MAPK8IP3: variants seen among roughly 807,000 people sequenced by gnomAD.
MAPK8IP3 encodes mitogen-activated protein kinase 8 interacting protein 3, also known as C-Jun-amino-terminal kinase-interacting protein 3.
In MAPK8IP3, 49 loss-of-function variants were observed where a neutral mutation model predicts 157.8. The ratio of observed to expected loss-of-function variants is 0.31; its 90% confidence interval spans 0.25 to 0.39. The LOEUF is 0.39. Among genes scored for constraint, MAPK8IP3 ranks in the 10% least tolerant of loss-of-function variants. MAPK8IP3 has a pLI of 1.00. For missense variants in MAPK8IP3, 1,478 were observed against 1,889.4 expected (o/e 0.78, Z 4.04); for synonymous variants, 897 against 777.7 (o/e 1.15, Z -2.55).
rs114943215 is a variant in MAPK8IP3 at position 1,728,514 on chromosome 16, C to A, written c.440-624C>A. Among the ~76,000 whole-genome samples the A allele has an allele frequency of 9.3e-3, 1,414 of 152,316 alleles. 11 individuals carry two copies. Among genetic ancestry groups the A allele is most frequent in the Non-Finnish European group, 0.013 (903 of 68,026 alleles). ...CAGAGAGCGCCTGTGGGTTTCCCCA[C>A]CCCCATATTTAACTCCCAACAGAGC... is the stretch of plus-strand genomic sequence containing the variant. On this transcript the variant is annotated intron_variant, in intron 2 of 31. Coordinates refer to ENST00000610761, the MANE Select transcript of MAPK8IP3 (RefSeq NM_001318852.2).
intron 26 of MAPK8IP3, 82 bp downstream of exon 26, chr16:1,767,379 A>G (rs2042334506): frequency 6.4e-7 from 1 of 1,574,586 alleles, no homozygotes; most frequent in East Asian, 2.2e-5. Context: ...ACGGAAGTCC[A>G]CGAGGCCCTA....
Position 1,768,369 on chromosome 16 carries a change from T to G in MAPK8IP3, c.3733T>G (p.Ser1245Ala), listed in dbSNP as rs1026815271. 3 of 1,600,696 alleles carry G rather than the reference T, an allele frequency of 1.9e-6. No individual in the cohort carries two copies. In the African/African-American group the frequency reaches 4.0e-5, roughly 21 times the overall value. ...GHRDAVKFFV[S>A]VPGNVLATLN... ...CCGCGATGCCGTGAAGTTCTTTGTC[T>G]CGGTGCCAGGTGAGGCTGGGCCCCT... Residue 1245 changes from serine to alanine, a missense_variant, in exon 30 of 32, where the codon TCG becomes GCG. By Grantham distance (99) the Ser-to-Ala change is moderately conservative. Coordinates refer to ENST00000610761, the MANE Select transcript of MAPK8IP3 (RefSeq NM_001318852.2).
At chr16:1,763,898 A>T in intron 17 of MAPK8IP3, 115 bp downstream of exon 17, 1 of 430,568 alleles carries the variant, frequency 2.3e-6, no homozygotes, top group Non-Finnish European at 3.9e-6. Context: ...GTGGGAGAGG[A>T]CGGCGGGTGG....
At chr16:1,760,208 T>C (rs2041855322) in intron 11 of MAPK8IP3, 172 bp from the exon 12 acceptor site, 2 of 987,754 alleles carry the variant, frequency 2.0e-6, no homozygotes, top group Non-Finnish European at 3.0e-6. Context: ...CAGGAGCCTC[T>C]AACAAGGGTG....
intron 4 of MAPK8IP3, among the ~76,000 whole-genome samples, chr16:1,740,510 C>T (rs535265683): frequency 2.6e-5 from 4 of 152,310 alleles, no homozygotes; most frequent in East Asian, 3.9e-4. Context: ...TGAGCGTGTG[C>T]GCACGCTGTG....
rs2040652171 is a variant in MAPK8IP3 at position 1,741,142 on chromosome 16, C to G, written c.603-2190C>G. 6.6e-6 allele frequency among the ~76,000 whole-genome samples: 1 copy of G among 152,162 alleles called. No individual in the cohort carries two copies. Among genetic ancestry groups the G allele is most frequent in the Non-Finnish European group, 1.5e-5 (1 of 67,996 alleles). On this transcript the variant is annotated intron_variant, in intron 4 of 31. Coordinates refer to ENST00000610761, the MANE Select transcript of MAPK8IP3 (RefSeq NM_001318852.2). The surrounding 1 kb of genome is among the most constrained non-coding windows in gnomAD (Gnocchi z 6.9). ...AGCTCCCTCACTCACCAGCCTGTGT[C>G]AGAGCCGGTGACACACCCATGACCC...
intron 4 of MAPK8IP3, among the ~76,000 whole-genome samples, chr16:1,737,419 A>G (rs2040053438): frequency 1.1e-5 from 1 of 90,838 alleles, no homozygotes; most frequent in South Asian, 5.6e-4. Context: ...CGTCCGTGTG[A>G]GCGTCCGTGT....
chr16:1,740,064 G>A (rs149534989), intron 4 of MAPK8IP3, among the ~76,000 whole-genome samples: 6,401 of 108,926 alleles, frequency 0.059, 461 homozygotes, highest in African/African-American at 0.068. Context: ...GTGACTGTCC[G>A]TGTGAGCGTG....
chr16:1,743,369 C>T lies in MAPK8IP3; in HGVS notation c.640C>T (p.Leu214=). The T allele has an allele frequency of 1.3e-6, 2 of 1,577,084 alleles. No homozygotes were observed. The highest frequency in any genetic ancestry group is 1.7e-6 in the Non-Finnish European group (2 of 1,165,290). The change falls in exon 5 of 32, where the codon CTG becomes TTG. Residue 214 remains leucine, a synonymous_variant. Coordinates refer to ENST00000610761, the MANE Select transcript of MAPK8IP3 (RefSeq NM_001318852.2). This position sits in a 1 kb window ranked among gnomAD's most constrained non-coding sequence, Gnocchi z 5.6. The part of the protein sequence containing the change: ...ERPTSLNVFP[L]ADGTVRAQIG... ...CCCCACCTCCCTGAACGTGTTCCCC[C>T]TGGCTGACGGCACGGTACGTGCACA...
chr16:1,748,847 TTTG>T (rs1225965090), intron 8 of MAPK8IP3, 127 bp downstream of exon 8: 1 of 867,744 alleles, frequency 1.2e-6, no homozygotes, highest in East Asian at 2.4e-5. Context: ...TTTTTCCAGC[TTTG>T]TTGAGTTGCG....
At chr16:1,758,321 G>T (rs1342808268) in intron 9 of MAPK8IP3, among the ~76,000 whole-genome samples, 162 bp downstream of exon 9, 1 of 152,174 alleles carries the variant, frequency 6.6e-6, no homozygotes, top group East Asian at 1.9e-4. Context: ...TCGGAAGCTT[G>T]TTCGGTTTGC....
intron 8 of MAPK8IP3, among the ~76,000 whole-genome samples, chr16:1,749,230 C>T (rs1466892012): frequency 6.6e-6 from 1 of 152,188 alleles, no homozygotes; most frequent in African/African-American, 2.4e-5. Context: ...ACAGCGTACT[C>T]ACAGGTGGGG....
At chr16:1,708,721 G>A (rs1041352637) in intron 1 of MAPK8IP3, among the ~76,000 whole-genome samples, 2 of 152,094 alleles carry the variant, frequency 1.3e-5, no homozygotes, top group African/African-American at 4.8e-5. Context: ...AAGCTGCACC[G>A]AGAGCTTCGG....
rs762370290 is a variant in MAPK8IP3 at position 1,743,380 on chromosome 16, C to A, written c.651C>A (p.Gly217=). The change falls in exon 5 of 32, where the codon GGC becomes GGA. Residue 217 remains glycine (G), a synonymous_variant. Coordinates refer to ENST00000610761, the MANE Select transcript of MAPK8IP3 (RefSeq NM_001318852.2). The surrounding 1 kb of genome is among the most constrained non-coding windows in gnomAD (Gnocchi z 5.6). Reference sequence around the variant, plus strand: ...TGAACGTGTTCCCCCTGGCTGACGGCACGGTACGTGCACAGATCGGGGGCA... The same window carrying A: ...TGAACGTGTTCCCCCTGGCTGACGGAACGGTACGTGCACAGATCGGGGGCA... ...TSLNVFPLAD[G]TVRAQIGGKL... 4.4e-6 allele frequency: 7 copies of A among 1,577,106 alleles called. No individual in the cohort carries two copies. In the South Asian group the frequency reaches 7.0e-5, roughly 16 times the overall value.
chr16:1,734,779 C>T (rs2039549824), intron 4 of MAPK8IP3, among the ~76,000 whole-genome samples: 2 of 152,280 alleles, frequency 1.3e-5, no homozygotes, highest in African/African-American at 4.8e-5. Context: ...TCAGCCAAAA[C>T]CCCTTGATTC....
rs17135504 is a variant in MAPK8IP3 at position 1,743,833 on chromosome 16, C to T, written c.747+357C>T. Reference sequence around the variant, plus strand: ...ACCCCCACATAAAGCCTCATGCTCACCCGGGCTCCAGCCAGACACATCCTG... The same window carrying T: ...ACCCCCACATAAAGCCTCATGCTCATCCGGGCTCCAGCCAGACACATCCTG... On this transcript the variant is annotated intron_variant, in intron 5 of 31. Coordinates refer to ENST00000610761, the MANE Select transcript of MAPK8IP3 (RefSeq NM_001318852.2). This position sits in a 1 kb window ranked among gnomAD's most constrained non-coding sequence, Gnocchi z 5.6. 2.0e-3 allele frequency: 2,238 copies of T among 1,137,202 alleles called. 40 individuals carry two copies. In the African/African-American group the frequency reaches 0.032, roughly 17 times the overall value. The allele number at this position is 1,137,202 out of a possible 1,614,324, so 70.4% of individuals were successfully genotyped here. A position where few individuals can be genotyped will look rare whatever the true frequency, so the allele number is the denominator to read the frequency against.
At chr16:1,740,105 CCT>C (rs1426317039) in intron 4 of MAPK8IP3, among the ~76,000 whole-genome samples, 1 of 93,176 alleles carries the variant, frequency 1.1e-5, no homozygotes, top group Non-Finnish European at 2.1e-5. Context: ...TGTGAGCATC[CCT>C]GTGACCGTCC....
intron 8 of MAPK8IP3, among the ~76,000 whole-genome samples, chr16:1,755,268 C>T (rs1269800400): frequency 3.3e-5 from 5 of 152,168 alleles, no homozygotes; most frequent in African/African-American, 9.7e-5. Flanking sequence ...AAATGTACTG[C>T]CTTAGTTGCT....
At chr16:1,727,509 C>T (rs1401555714) in intron 2 of MAPK8IP3, among the ~76,000 whole-genome samples, 1 of 151,556 alleles carries the variant, frequency 6.6e-6, no homozygotes, top group East Asian at 1.9e-4. Context: ...GTAAGTTATG[C>T]ATGTTTGGTG....
Sources: gnomAD v4.1 joint callset for allele counts (sites outside exome capture counted in the v4.1 genomes callset) on GRCh38, gnomAD v4.1.1 for gene constraint, Gnocchi (gnomAD v3.1) non-coding constraint, MANE v1.5 for transcripts, NCBI Gene and HGNC (gene_info 2026-07-23, HGNC 2026-07-21) for gene names.